Variants in NR1H4 observed in about 807,000 individuals in gnomAD.
NR1H4 encodes bile acid receptor.
Under a neutral mutation model 58.5 loss-of-function variants are expected in NR1H4, and 23 were observed. The ratio of observed to expected loss-of-function variants is 0.39; its 90% CI spans 0.28 to 0.56. The LOEUF (loss-of-function observed/expected upper bound fraction) is 0.56, where lower values mean the gene tolerates loss of function less well. Among genes scored for constraint, NR1H4 ranks in the 20% least tolerant of loss-of-function variants. The probability of loss-of-function intolerance (pLI) is 0.58; values close to 1 mark genes in which losing one functional copy is unlikely to be tolerated. For missense variants in NR1H4, 487 were observed against 576.9 expected, an observed-to-expected ratio of 0.84 and a Z score of 1.60; for synonymous variants, 214 against 198.0, an observed-to-expected ratio of 1.08 and a Z score of -0.68.
At chr12:100,492,293 A>G (rs987981403) in intron 1 of NR1H4, among the ~76,000 whole-genome samples, 3 of 152,144 alleles carry the variant, frequency 2.0e-5, no homozygotes, top group Admixed American at 6.5e-5. Flanking sequence ...GGGAAATCCT[A>G]ATGAAATACA....
chr12:100,519,164 C>T (rs1954346658), intron 4 of NR1H4, among the ~76,000 whole-genome samples: 1 of 152,170 alleles, frequency 6.6e-6, no homozygotes, highest in Non-Finnish European at 1.5e-5. Context: ...ATTCAACTCA[C>T]AGCCCCTATG....
chr12:100,554,853 T>C (rs550651048), intron 9 of NR1H4, among the ~76,000 whole-genome samples: 1 of 152,332 alleles, frequency 6.6e-6, no homozygotes, highest in African/African-American at 2.4e-5. Context: ...AAATTGCTGG[T>C]TCACAAGCCC....
At chr12:100,495,424 C>T (rs1337735573) in intron 3 of NR1H4, among the ~76,000 whole-genome samples, 1 of 152,192 alleles carries the variant, frequency 6.6e-6, no homozygotes, top group Non-Finnish European at 1.5e-5. Context: ...GGCCCTCAGT[C>T]TCACTTCACT....
At chr12:100,506,002 A>AACACACACACACACACACACAC in intron 3 of NR1H4, among the ~76,000 whole-genome samples, 1 of 141,028 alleles carries the variant, frequency 7.1e-6, no homozygotes, top group Non-Finnish European at 1.5e-5. Context: ...AAGTGTTTAT[A>AACACACACACACACACACACAC]ACACACACAC....
At chr12:100,530,476 CCT>C (rs1289016694) in intron 4 of NR1H4, among the ~76,000 whole-genome samples, 1 of 152,118 alleles carries the variant, frequency 6.6e-6, no homozygotes, top group African/African-American at 2.4e-5. Context: ...AGGAAGGACT[CCT>C]CTCAATTTTG....
intron 4 of NR1H4, among the ~76,000 whole-genome samples, chr12:100,528,515 C>T (rs752188827): frequency 6.6e-5 from 10 of 152,172 alleles, no homozygotes; most frequent in Non-Finnish European, 1.5e-4. Context: ...CAATGCCAAC[C>T]CTGTCTACTT....
chr12:100,492,358 T>C (rs1253862299), intron 1 of NR1H4, 145 bp from the exon 2 acceptor site: 1 of 152,178 alleles, frequency 6.6e-6, no homozygotes, highest in African/African-American at 2.4e-5. Flanking sequence ...TATAGACAGC[T>C]ATTTATTTGT....
chr12:100,484,755 AC>A (rs1268427875), intron 1 of NR1H4, among the ~76,000 whole-genome samples: 2 of 151,962 alleles, frequency 1.3e-5, no homozygotes, highest in Non-Finnish European at 2.9e-5. Flanking sequence ...TCCCCAGCCC[AC>A]CTTCTCACTA....
intron 4 of NR1H4, among the ~76,000 whole-genome samples, chr12:100,528,292 A>C (rs1275054229): frequency 1.3e-5 from 2 of 152,184 alleles, no homozygotes; most frequent in Non-Finnish European, 2.9e-5. Context: ...GCCTGAACTC[A>C]GGAAGCAGAG....
At chr12:100,514,776 T>TA (rs1251773030) in intron 4 of NR1H4, among the ~76,000 whole-genome samples, 1 of 152,188 alleles carries the variant, frequency 6.6e-6, no homozygotes, top group Non-Finnish European at 1.5e-5. Context: ...ATGAATTACT[T>TA]ATGCTATCAA....
intron 3 of NR1H4, among the ~76,000 whole-genome samples, chr12:100,501,964 G>T (rs928022024): frequency 5.9e-4 from 90 of 152,244 alleles, no homozygotes; most frequent in African/African-American, 2.0e-3. Context: ...ACTTAAGCTT[G>T]ATGTACAAAA....
chr12:100,522,780 C>T (rs1271858475), intron 4 of NR1H4, among the ~76,000 whole-genome samples: 2 of 152,136 alleles, frequency 1.3e-5, no homozygotes, highest in Non-Finnish European at 2.9e-5. Context: ...TAGCTTAGGT[C>T]CCACTTGTAA....
intron 4 of NR1H4, among the ~76,000 whole-genome samples, chr12:100,514,950 G>A (rs1203871012): frequency 6.6e-6 from 1 of 151,984 alleles, no homozygotes; most frequent in African/African-American, 2.4e-5. Flanking sequence ...ATATTAGATT[G>A]TATGGTTTTG....
intron 9 of NR1H4, among the ~76,000 whole-genome samples, chr12:100,560,303 G>A (rs1383497685): frequency 6.6e-6 from 1 of 152,196 alleles, no homozygotes; most frequent in Non-Finnish European, 1.5e-5. Flanking sequence ...ACCCACTCGG[G>A]TCCCCTTCCA....
intron 4 of NR1H4, among the ~76,000 whole-genome samples, chr12:100,513,242 A>C (rs758547556): frequency 2.0e-5 from 3 of 152,194 alleles, no homozygotes; most frequent in Non-Finnish European, 2.9e-5. Flanking sequence ...ATGTCTTTTG[A>C]ATGACACAAT....
chr12:100,504,064 A>C (rs966762142), intron 3 of NR1H4, among the ~76,000 whole-genome samples: 1 of 152,168 alleles, frequency 6.6e-6, no homozygotes, highest in Non-Finnish European at 1.5e-5. Context: ...TTGTGGTAAA[A>C]AAAAAAATGA....
chr12:100,493,514 C>T (rs963953864), intron 3 of NR1H4, 112 bp downstream of exon 3: 3 of 682,036 alleles, frequency 4.4e-6, no homozygotes, highest in Middle Eastern at 7.7e-4. Flanking sequence ...TGTTTTTGTT[C>T]CTTCCAAGTA....
chr12:100,540,945 C>A, intron 9 of NR1H4, 127 bp downstream of exon 9: 1 of 887,680 alleles, frequency 1.1e-6, no homozygotes, highest in Non-Finnish European at 1.8e-6. Flanking sequence ...TGAAGAATGG[C>A]TCTAAAAAGA....
At chr12:100,493,489 C>T (rs1953647946) in intron 3 of NR1H4, 87 bp downstream of exon 3, 5 of 727,550 alleles carry the variant, frequency 6.9e-6, no homozygotes, top group Non-Finnish European at 1.2e-5. Flanking sequence ...TGAGTCCAGC[C>T]CAGGGTCAAG....
Sources: gnomAD v4.1 joint callset for allele counts (sites outside exome capture counted in the v4.1 genomes callset) on GRCh38, gnomAD v4.1.1 for gene constraint, MANE v1.5 for transcripts, NCBI Gene and HGNC (gene_info 2026-07-23, HGNC 2026-07-21) for gene names.